Variants in MYOM2 observed in about 807,000 individuals in gnomAD.
MYOM2 encodes myomesin-2.
In MYOM2, 254 loss-of-function variants were observed where a neutral mutation model predicts 187.6. The observed-to-expected ratio is 1.35, with a 90% CI of 1.22 to 1.50. The LOEUF is 1.50. MYOM2 is among the 40% of genes most tolerant of loss of function. The pLI is 0.00. For missense variants in MYOM2, 2,796 were observed against 1,924.0 expected (o/e 1.45, Z -8.48); for synonymous variants, 981 against 753.8 (o/e 1.30, Z -4.94).
intron 6 of MYOM2, among the ~76,000 whole-genome samples, chr8:2,068,889 G>C (rs1819116972): frequency 6.6e-6 from 1 of 152,192 alleles, no homozygotes; most frequent in Non-Finnish European, 1.5e-5. Flanking sequence ...CATCACGACT[G>C]GTTCTGCTGG....
intron 13 of MYOM2, among the ~76,000 whole-genome samples, chr8:2,081,181 C>T (rs1819613576): frequency 1.2e-5 from 1 of 85,598 alleles, no homozygotes; most frequent in Non-Finnish European, 2.3e-5. Flanking sequence ...TTCTGGCCTG[C>T]GGGAGGAACA....
Position 2,116,295 on chromosome 8 carries a change from C to A in MYOM2, c.3385+20C>A, listed in dbSNP as rs1269528745. 5 of 1,607,328 alleles carry A rather than the reference C, an allele frequency of 3.1e-6. No homozygotes were observed. In the South Asian group the frequency reaches 5.6e-5, roughly 18 times the overall value. ...AACAAGGTGAGTTTCCTCACTCTGA[C>A]CGGCTCCCCTGCCCCTAGCATAAAG... On this transcript the variant is annotated intron_variant, in intron 27 of 36. Coordinates refer to ENST00000262113, the MANE Select transcript of MYOM2 (RefSeq NM_003970.4).
At position 2,059,183 on chromosome 8, in the gene MYOM2, G is replaced by A. The variant is rs139372201; in HGVS notation, c.591G>A (p.Ala197=). Residue 197 remains alanine, a synonymous_variant, in exon 6 of 37, where the codon GCG becomes GCA. Coordinates refer to ENST00000262113, the MANE Select transcript of MYOM2 (RefSeq NM_003970.4). ...WYKDGSLICQ[A]AEPGKYRIES... is the part of the protein sequence containing the mutation. ...AAGATGGCAGTCTGATTTGCCAGGCGGCTGAACCGGGAAAGTACAGGATTG... is the reference window on the plus strand; with the variant it reads ...AAGATGGCAGTCTGATTTGCCAGGCAGCTGAACCGGGAAAGTACAGGATTG... 1.5e-4 allele frequency: 241 copies of A among 1,614,168 alleles called. No individual in the cohort carries two copies. The African/African-American group carries it at 1.9e-3, about 13-fold the overall frequency.
chr8:2,065,095 A>C (rs533469321), intron 6 of MYOM2, among the ~76,000 whole-genome samples: 12 of 152,328 alleles, frequency 7.9e-5, no homozygotes, highest in African/African-American at 2.6e-4. Flanking sequence ...TTTCAAGTAC[A>C]TTGTTTTATT....
chr8:2,115,457 G>A (rs1797208742), intron 25 of MYOM2, among the ~76,000 whole-genome samples: 1 of 152,196 alleles, frequency 6.6e-6, no homozygotes, highest in South Asian at 2.1e-4. Flanking sequence ...ACCTGTTGGA[G>A]GTCCATTTAT....
Position 2,050,161 on chromosome 8 carries a change from C to A in MYOM2, c.-12-594C>A, listed in dbSNP as rs1159884592. On this transcript the variant is annotated intron_variant, in intron 1 of 36. Transcript: ENST00000262113. The stretch of plus-strand genomic sequence containing the variant: ...TTCCAGAGTGATTTCTGGTCACACC[C>A]ACCCCTGCAAGTCTCCCATGATCCT... Among the ~76,000 whole-genome samples the A allele has an allele frequency of 3.3e-5, 5 of 152,286 alleles. No homozygotes were observed. In the South Asian group the frequency reaches 1.0e-3, roughly 32 times the overall value.
chr8:2,054,374 G>T (rs952326864), intron 3 of MYOM2, among the ~76,000 whole-genome samples: 15 of 152,154 alleles, frequency 9.9e-5, no homozygotes, highest in Non-Finnish European at 4.4e-5. Flanking sequence ...ATGTCCCTCT[G>T]ACATCTTCCT....
intron 6 of MYOM2, among the ~76,000 whole-genome samples, chr8:2,065,667 C>T (rs1017958138): frequency 1.3e-5 from 2 of 152,084 alleles, no homozygotes; most frequent in African/African-American, 4.8e-5. Context: ...CTTCTCATTG[C>T]CCAATATTGA....
In MYOM2 at chr8:2,092,462, T is replaced by G; in HGVS notation, c.1945T>G (p.Cys649Gly). ...EDLLGYYVDC[C>G]VAGTNLWEPC... ...CCTGCTGGGCTACTACGTGGACTGC[T>G]GTGTGGCCGGAACCAACCTCTGGGA... The change falls in exon 16 of 37, where the codon TGT (cysteine) becomes GGT (glycine). Residue 649 changes from cysteine to glycine, a missense_variant. Physicochemically the swap from Cys to Gly is radical, Grantham distance 159. Coordinates refer to ENST00000262113, the MANE Select transcript of MYOM2 (RefSeq NM_003970.4). 11 of 1,614,172 alleles carry G rather than the reference T, an allele frequency of 6.8e-6. No individual in the cohort carries two copies. Among genetic ancestry groups the G allele is most frequent in the Non-Finnish European group, 9.3e-6 (11 of 1,180,028 alleles).
rs866470458 is a variant in MYOM2, at chr8:2,123,627, G to A, written c.3640G>A (p.Glu1214Lys). Residue 1214 changes from glutamate (E) to lysine (K), a missense_variant, in exon 30 of 37, where the codon GAA (glutamate) becomes AAA (lysine). Physicochemically the swap from Glu to Lys is moderately conservative, Grantham distance 56. Coordinates refer to ENST00000262113, the MANE Select transcript of MYOM2 (RefSeq NM_003970.4). ...DDRGQDVSILEIAGKVYDDMI... is the reference protein window; with the variant it reads ...DDRGQDVSILKIAGKVYDDMI... ...CAGAGGCCAAGATGTGTCCATCCTTGAAATAGCTGGCAAAGGTAAAAGAAA... is the reference window on the plus strand; with the variant it reads ...CAGAGGCCAAGATGTGTCCATCCTTAAAATAGCTGGCAAAGGTAAAAGAAA... The A allele has an allele frequency of 2.5e-6, 4 of 1,614,128 alleles. No individual in the cohort carries two copies. The South Asian group carries it at 4.4e-5, about 18-fold the overall frequency.
At chr8:2,118,158 A>G (rs1178661835) in intron 28 of MYOM2, among the ~76,000 whole-genome samples, 3 of 152,112 alleles carry the variant, frequency 2.0e-5, no homozygotes, top group Non-Finnish European at 4.4e-5. Context: ...CTTCTTCACG[A>G]AAAGATTACA....
chr8:2,108,833 A>G lies in MYOM2; in HGVS notation c.3043+3A>G. The G allele has an allele frequency of 6.2e-7, 1 of 1,613,922 alleles. No individual in the cohort carries two copies. The highest frequency in any genetic ancestry group is 8.5e-7 in the Non-Finnish European group (1 of 1,179,962). On this transcript the variant is annotated splice_donor_region_variant and intron_variant, in intron 24 of 36. Coordinates refer to ENST00000262113, the MANE Select transcript of MYOM2 (RefSeq NM_003970.4). ...GAGCAATGAAATAAAGAACCCCAGT[A>G]AGTAAGCCTCCAGCCCTTCCCCTCT...
chr8:2,103,266 A>G lies in MYOM2; in HGVS notation c.2734+485A>G, dbSNP rs372271729. On this transcript the variant is annotated intron_variant, in intron 21 of 36. Transcript: ENST00000262113. ...TGGATAAATGAGTGAGAGAGTGTGC[A>G]TGTATTATGTGTATATGTGTATGTA... is the stretch of plus-strand genomic sequence containing the variant. Among the ~76,000 whole-genome samples, 1,297 of 148,318 alleles carry G rather than the reference A, an allele frequency of 8.7e-3. 16 individuals are homozygous for G. Among genetic ancestry groups the G allele is most frequent in the African/African-American group, 0.031 (1,257 of 39,982 alleles).
intron 28 of MYOM2, chr8:2,119,089 G>C (rs1797340050): frequency 6.6e-6 from 1 of 152,304 alleles, no homozygotes; most frequent in Non-Finnish European, 1.5e-5. Context: ...CAAAGATTTA[G>C]TTATATCCGT....
At chr8:2,119,346 G>A (rs1044561372) in intron 28 of MYOM2, 2 of 152,384 alleles carry the variant, frequency 1.3e-5, no homozygotes, top group Admixed American at 6.5e-5. Context: ...GAGGAGACCA[G>A]CTCCAGGATT....
intron 25 of MYOM2, among the ~76,000 whole-genome samples, chr8:2,112,772 G>T (rs986418826): frequency 6.6e-6 from 1 of 152,184 alleles, no homozygotes; most frequent in Admixed American, 6.5e-5. Flanking sequence ...GAAAACAAAT[G>T]CACGTGATTT....
intron 14 of MYOM2, among the ~76,000 whole-genome samples, chr8:2,088,511 G>A (rs1000735262): frequency 1.3e-5 from 2 of 152,208 alleles, no homozygotes; most frequent in Non-Finnish European, 2.9e-5. Context: ...TTATAAGTGA[G>A]AACATGCAGT....
chr8:2,102,797 A>C lies in MYOM2; in HGVS notation c.2734+16A>C. 6.3e-7 allele frequency: 1 copy of C among 1,578,216 alleles called. No homozygotes were observed. Among genetic ancestry groups the C allele is most frequent in the Non-Finnish European group, 8.7e-7 (1 of 1,148,658 alleles). On this transcript the variant is annotated intron_variant, in intron 21 of 36. Coordinates refer to ENST00000262113, the MANE Select transcript of MYOM2 (RefSeq NM_003970.4). ...GCGAGACCAGGTAAGGCTTACAACA[A>C]AAACTACAAAACAGCAATGATTTGT...
At chr8:2,110,553 G>A (rs1033274929) in intron 25 of MYOM2, among the ~76,000 whole-genome samples, 3 of 152,160 alleles carry the variant, frequency 2.0e-5, no homozygotes, top group Admixed American at 6.5e-5. Context: ...TTATTGTTCA[G>A]TGGTGGCTTG....
Sources: allele counts gnomAD v4.1 joint callset (sites outside exome capture counted in the v4.1 genomes callset), GRCh38; gene constraint gnomAD v4.1.1; transcripts MANE v1.5; gene names NCBI Gene and HGNC (gene_info 2026-07-23, HGNC 2026-07-21).